Variants in LRRIQ1 observed in about 807,000 individuals in gnomAD.
LRRIQ1 encodes leucine rich repeats and IQ motif containing 1.
A neutral mutation model predicts 211.9 loss-of-function variants in LRRIQ1; 210 were observed. That is an observed-to-expected ratio of 0.99 (90% CI 0.89 to 1.11). The LOEUF is 1.11. LRRIQ1 is among the 50% of genes most tolerant of loss of function. LRRIQ1 has a pLI of 0.00. For missense variants in LRRIQ1, 2,136 were observed against 1,939.5 expected, an observed-to-expected ratio of 1.10 and a Z score of -1.90; for synonymous variants, 699 against 650.1, an observed-to-expected ratio of 1.08 and a Z score of -1.14.
intron 24 of LRRIQ1, among the ~76,000 whole-genome samples, chr12:85,192,424 A>G (rs1395717049): frequency 7.7e-6 from 1 of 129,236 alleles, no homozygotes; most frequent in African/African-American, 2.9e-5. Flanking sequence ...ATATACATTT[A>G]TATATATTTA....
In LRRIQ1 at chr12:85,056,806, A is replaced by C. The variant is rs1235919350; in HGVS notation, c.2013A>C (p.Arg671Ser). ...CCATGATAAATATAGAAGGCAAAAG[A>C]AATGACCAAGATTATGTGTTAGGTA... The part of the protein sequence containing the change: ...TDTMINIEGK[R>S]NDQDYVLGRH... Residue 671 changes from arginine to serine, a missense_variant, in exon 8 of 27, where the codon AGA (arginine) becomes AGC (serine). Transcript: ENST00000393217. 6.2e-7 allele frequency: 1 copy of C among 1,610,472 alleles called. No homozygotes were observed. Among genetic ancestry groups the C allele is most frequent in the Non-Finnish European group, 8.5e-7 (1 of 1,178,854 alleles).
In LRRIQ1 at chr12:85,153,736, GA is replaced by G. The variant is rs745692987; in HGVS notation, c.4624del (p.Ile1542PhefsTer17). On this transcript the variant is annotated frameshift_variant, in exon 22 of 27. Transcript: ENST00000393217. LOFTEE classifies it high-confidence loss of function. ...AAAGAGTTTGCTAAAATCTGAAAAA[GA>G]AAAAAAAATTTCAGAAGAATGGTAT... is the stretch of plus-strand genomic sequence containing the variant. ...SRKSLLKSEKEKKISEEWGFK... is the reference protein window; with the variant it reads ...SRKSLLKSEKXKKISEEWGFK... 3.4e-5 allele frequency: 53 copies of G among 1,557,788 alleles called. No individual in the cohort carries two copies. The highest frequency in any genetic ancestry group is 2.0e-4 in the Admixed American group (10 of 50,394).
chr12:85,197,842 T>G (rs1893015990), intron 24 of LRRIQ1, among the ~76,000 whole-genome samples: 1 of 136,286 alleles, frequency 7.3e-6, no homozygotes. Context: ...TAAAAAATAT[T>G]ATATTTATTA....
Position 85,165,888 on chromosome 12 carries a change from G to A in LRRIQ1, c.4822+5174G>A, listed in dbSNP as rs139223386. Among the ~76,000 whole-genome samples, 312 of 152,218 alleles carry A rather than the reference G, an allele frequency of 2.0e-3. 1 individual carries two copies. The highest frequency in any genetic ancestry group is 3.7e-3 in the Non-Finnish European group (254 of 68,018). On this transcript the variant is annotated intron_variant, in intron 24 of 26. Transcript: ENST00000393217. Reference sequence around the variant, plus strand: ...TTTCAGGTCCCTGCTATTGTGACTAGTGCCGCGATGTACATACGAGTGCAT... The same window carrying A: ...TTTCAGGTCCCTGCTATTGTGACTAATGCCGCGATGTACATACGAGTGCAT...
chr12:85,110,901 C>G (rs1477674836), intron 15 of LRRIQ1, among the ~76,000 whole-genome samples: 3 of 152,058 alleles, frequency 2.0e-5, no homozygotes, highest in Non-Finnish European at 4.4e-5. Context: ...ACGAAGTACT[C>G]TCTCTATATA....
In LRRIQ1 at chr12:85,056,516, A is replaced by G; in HGVS notation, c.1723A>G (p.Ile575Val). ...GAAAACCAATGAAGAGCAGAAAATAATCAAAGATAATCAGCAGAAAAAGAT... is the reference window on the plus strand; with the variant it reads ...GAAAACCAATGAAGAGCAGAAAATAGTCAAAGATAATCAGCAGAAAAAGAT... ...EVKTNEEQKI[I>V]KDNQQKKIQK... Residue 575 changes from isoleucine to valine, a missense_variant, in exon 8 of 27, where the codon ATC becomes GTC. By Grantham distance (29) the Ile-to-Val change is conservative. Coordinates refer to ENST00000393217, the MANE Select transcript of LRRIQ1 (RefSeq NM_001079910.2). The G allele has an allele frequency of 1.2e-6, 2 of 1,611,978 alleles. No homozygotes were observed. Among genetic ancestry groups the G allele is most frequent in the Admixed American group, 1.7e-5 (1 of 59,804 alleles).
intron 2 of LRRIQ1, among the ~76,000 whole-genome samples, chr12:85,039,413 A>C (rs1005343465): frequency 1.3e-5 from 2 of 151,652 alleles, no homozygotes; most frequent in African/African-American, 4.8e-5. Context: ...TTCTTAGTTA[A>C]ACAAGAAATA....
intron 7 of LRRIQ1, among the ~76,000 whole-genome samples, chr12:85,053,973 T>A (rs890047493): frequency 2.0e-5 from 3 of 152,244 alleles, no homozygotes; most frequent in African/African-American, 7.2e-5. Context: ...TTTCTTCGGG[T>A]GTGGAATACA....
Position 85,079,566 on chromosome 12 carries a change from T to G in LRRIQ1, c.2887+6468T>G, listed in dbSNP as rs540378880. On this transcript the variant is annotated intron_variant, in intron 11 of 26. Transcript: ENST00000393217. ...TTAAAATATGTCTACAAATTTTGTT[T>G]CCAGTTTGTCTCTTTTTTGTAACAC... Among the ~76,000 whole-genome samples, 11 of 152,218 alleles carry G rather than the reference T, an allele frequency of 7.2e-5. No homozygotes were observed. In the South Asian group the frequency reaches 2.1e-3, roughly 29 times the overall value.
intron 18 of LRRIQ1, among the ~76,000 whole-genome samples, chr12:85,131,416 T>G (rs563381410): frequency 1.9e-4 from 29 of 152,160 alleles, no homozygotes; most frequent in African/African-American, 6.7e-4. Flanking sequence ...AGAGATAAAC[T>G]CTTGTTTTTG....
chr12:85,199,825 A>C, intron 24 of LRRIQ1, among the ~76,000 whole-genome samples: 1 of 152,278 alleles, frequency 6.6e-6, no homozygotes, highest in Middle Eastern at 3.4e-3. Flanking sequence ...CGCCCTTGAA[A>C]CATGGGAATT....
intron 24 of LRRIQ1, among the ~76,000 whole-genome samples, chr12:85,186,870 T>A (rs1293264903): frequency 2.0e-5 from 3 of 151,996 alleles, no homozygotes; most frequent in Non-Finnish European, 4.4e-5. Flanking sequence ...AGAGTTGATG[T>A]AGAGAAGTAG....
intron 5 of LRRIQ1, 124 bp from the exon 6 acceptor site, chr12:85,047,123 C>T: frequency 1.6e-6 from 1 of 628,058 alleles, no homozygotes. Flanking sequence ...GCACGTTGTG[C>T]ACATGTACCC....
At chr12:85,261,440 T>C (rs1458167105) in intron 1 of LRRIQ1, among the ~76,000 whole-genome samples, 1 of 152,172 alleles carries the variant, frequency 6.6e-6, no homozygotes, top group East Asian at 1.9e-4. Flanking sequence ...AAATTTGAAA[T>C]TACAGACCAA....
Position 85,079,217 on chromosome 12 carries a change from T to C in LRRIQ1, c.2887+6119T>C, listed in dbSNP as rs185478097. Among the ~76,000 whole-genome samples, 47 of 152,010 alleles carry C rather than the reference T, an allele frequency of 3.1e-4. No homozygotes were observed. In the East Asian group the frequency reaches 4.3e-3, roughly 14 times the overall value. On this transcript the variant is annotated intron_variant, in intron 11 of 26. Transcript: ENST00000393217. ...TGGACCACACTTTGAGAACCACTAG[T>C]TTAGTGTTCACATGATGTATCTTTA... is the stretch of plus-strand genomic sequence containing the variant.
intron 26 of LRRIQ1, among the ~76,000 whole-genome samples, chr12:85,235,243 C>T (rs748483893): frequency 1.3e-5 from 2 of 152,108 alleles, no homozygotes; most frequent in African/African-American, 2.4e-5. Context: ...AATATATAGA[C>T]AATTTTATAT....
chr12:85,250,076 C>T (rs985255416), downstream of LRRIQ1, among the ~76,000 whole-genome samples: 4 of 151,524 alleles, frequency 2.6e-5, no homozygotes, highest in African/African-American at 9.7e-5. Context: ...TAGAACAATT[C>T]CCTGGCATAT....
intron 24 of LRRIQ1, among the ~76,000 whole-genome samples, chr12:85,168,400 G>A (rs557602836): frequency 6.6e-6 from 1 of 152,140 alleles, no homozygotes; most frequent in Non-Finnish European, 1.5e-5. Context: ...CAACACTACA[G>A]CTCCCTTGTT....
chr12:85,272,556 A>T, the LRRIQ1 span, among the ~76,000 whole-genome samples: 28 of 152,190 alleles, frequency 1.8e-4, no homozygotes, highest in African/African-American at 6.3e-4. Context: ...CCTCACAAAG[A>T]AATGGAAATA....
Sources: allele counts gnomAD v4.1 joint callset (sites outside exome capture counted in the v4.1 genomes callset), GRCh38; gene constraint gnomAD v4.1.1; transcripts MANE v1.5; gene names NCBI Gene and HGNC (gene_info 2026-07-23, HGNC 2026-07-21).